GSG1L: variants seen among roughly 807,000 people sequenced by gnomAD.
GSG1L encodes the protein GSG1 like.
GSG1L carries 24 observed loss-of-function variants against 42.1 expected under a neutral mutation model. The observed-to-expected ratio is 0.57, with a 90% CI of 0.41 to 0.80. GSG1L has a LOEUF of 0.80. GSG1L is among the 30% of genes least tolerant of loss of function. GSG1L has a pLI of 0.00. For synonymous variants in GSG1L, 215 were observed against 203.5 expected, an observed-to-expected ratio of 1.06 and a Z score of -0.48; for missense variants, 445 against 472.2, an observed-to-expected ratio of 0.94 and a Z score of 0.53.
At chr16:27,935,870 C>CT (rs751703377) in intron 2 of GSG1L, among the ~76,000 whole-genome samples, 7 of 145,790 alleles carry the variant, frequency 4.8e-5, no homozygotes, top group African/African-American at 7.7e-5. Context: ...TCTAGAATGC[C>CT]TTTTCCTACC....
chr16:27,793,483 G>A (rs2082777728), intron 6 of GSG1L, among the ~76,000 whole-genome samples: 1 of 89,518 alleles, frequency 1.1e-5, no homozygotes. Context: ...AGGTGTTTGG[G>A]TTTTGTTTTG....
chr16:27,998,679 C>T (rs887450400), intron 1 of GSG1L, among the ~76,000 whole-genome samples: 7 of 151,988 alleles, frequency 4.6e-5, no homozygotes, highest in East Asian at 1.9e-4. Context: ...CCCAGCTACC[C>T]GGGAGGCTGA....
At chr16:27,888,457 TTTCTTTCTCTCTCTCTCTCTCTTTCC>T (rs2084064193) in intron 2 of GSG1L, among the ~76,000 whole-genome samples, 1 of 18,904 alleles carries the variant, frequency 5.3e-5, no homozygotes, top group Admixed American at 9.4e-4. Context: ...TCTTTCTTTC[TTTCTTTCTCTCTCTCTCTCTCTTTCC>T]TTTCTTTCTT....
chr16:27,963,109 C>T, intron 2 of GSG1L, 47 bp downstream of exon 2: 3 of 1,539,580 alleles, frequency 1.9e-6, no homozygotes, highest in East Asian at 2.3e-5. Context: ...GGAAAGATGT[C>T]CCCAGAGAGA....
At chr16:27,876,466 A>T (rs2083888150) in intron 3 of GSG1L, among the ~76,000 whole-genome samples, 1 of 152,204 alleles carries the variant, frequency 6.6e-6, no homozygotes, top group Non-Finnish European at 1.5e-5. Context: ...AGCCGATGGA[A>T]AAAGGCAAAC....
intron 1 of GSG1L, among the ~76,000 whole-genome samples, chr16:28,042,761 G>A (rs2086121159): frequency 6.6e-6 from 1 of 152,132 alleles, no homozygotes; most frequent in African/African-American, 2.4e-5. Context: ...GCTTGTTAGA[G>A]GAAACACACA....
intron 2 of GSG1L, among the ~76,000 whole-genome samples, chr16:27,934,110 C>T (rs1400974326): frequency 6.6e-6 from 1 of 152,200 alleles, no homozygotes; most frequent in East Asian, 1.9e-4. Flanking sequence ...GCAGAACAAC[C>T]TTCCCCAGCA....
chr16:28,003,978 C>T (rs2085608117), intron 1 of GSG1L, among the ~76,000 whole-genome samples: 1 of 152,246 alleles, frequency 6.6e-6, no homozygotes, highest in Non-Finnish European at 1.5e-5. Context: ...GTCAGTGTGG[C>T]AGGATGACAC....
At chr16:27,900,827 A>G (rs2084248025) in intron 2 of GSG1L, among the ~76,000 whole-genome samples, 1 of 152,070 alleles carries the variant, frequency 6.6e-6, no homozygotes, top group Non-Finnish European at 1.5e-5. Flanking sequence ...AACATTAAAA[A>G]AAAAAAAACA....
chr16:27,857,897 G>A (rs1482864672), intron 3 of GSG1L, among the ~76,000 whole-genome samples: 1 of 86,238 alleles, frequency 1.2e-5, no homozygotes, highest in African/African-American at 4.2e-5. Context: ...TGCTCTCGGA[G>A]GGCCCTGATC....
At chr16:27,992,215 G>A (rs8047185) in intron 1 of GSG1L, among the ~76,000 whole-genome samples, 100,609 of 152,046 alleles carry the variant, frequency 0.66, 34,548 homozygotes, top group East Asian at 0.85. Context: ...GGATATTTTC[G>A]GTTGGGCCCA....
chr16:27,824,048 C>T (rs952777469), intron 5 of GSG1L: 6 of 653,100 alleles, frequency 9.2e-6, no homozygotes, highest in East Asian at 2.7e-5. Context: ...AGCCATGCTT[C>T]GAAATACCCT....
chr16:28,041,457 G>GA (rs975321171), intron 1 of GSG1L, among the ~76,000 whole-genome samples: 32 of 145,074 alleles, frequency 2.2e-4, no homozygotes, highest in South Asian at 4.4e-4. Flanking sequence ...CTCTCAAAAA[G>GA]AAAAAAAAAA....
Position 27,791,265 on chromosome 16 carries a change from TCACGGCA to T in GSG1L, c.*98_*104del. The T allele has an allele frequency of 1.4e-6, 1 of 692,730 alleles. No individual in the cohort carries two copies. The highest frequency in any genetic ancestry group is 2.2e-6 in the Non-Finnish European group (1 of 456,940). The allele number at this position is 692,730 out of a possible 1,614,324, so 42.9% of individuals were successfully genotyped here. The stretch of plus-strand genomic sequence containing the variant: ...CATCTCCCACGCAGGCTGACTGAGT[TCACGGCA>T]CACAGGCCAGGGTTCTGGGGGCACC... On this transcript the variant is annotated 3_prime_UTR_variant, in exon 7 of 7. Transcript: ENST00000447459.
chr16:27,886,346 A>G (rs2084029173), intron 2 of GSG1L, among the ~76,000 whole-genome samples: 1 of 152,226 alleles, frequency 6.6e-6, no homozygotes, highest in Non-Finnish European at 1.5e-5. Flanking sequence ...AGGCTGAGGC[A>G]GGAGAATCGC....
intron 3 of GSG1L, among the ~76,000 whole-genome samples, chr16:27,853,002 A>G (rs1379250775): frequency 6.6e-6 from 1 of 152,182 alleles, no homozygotes; most frequent in Non-Finnish European, 1.5e-5. Flanking sequence ...ATGGCAAGGG[A>G]CTGGGGGAAA....
chr16:27,847,487 G>A (rs2083456649), intron 3 of GSG1L, among the ~76,000 whole-genome samples: 1 of 152,220 alleles, frequency 6.6e-6, no homozygotes, highest in African/African-American at 2.4e-5. Context: ...GTTGAGTCCA[G>A]GGGGGCTAAG....
intron 5 of GSG1L, among the ~76,000 whole-genome samples, chr16:27,814,208 CT>C (rs2083066518): frequency 6.6e-6 from 1 of 152,120 alleles, no homozygotes; most frequent in South Asian, 2.1e-4. Flanking sequence ...ACCTTCTGGG[CT>C]CAAGCGATCC....
At chr16:28,018,283 T>C (rs1691770554) in intron 1 of GSG1L, among the ~76,000 whole-genome samples, 1 of 152,192 alleles carries the variant, frequency 6.6e-6, no homozygotes, top group Non-Finnish European at 1.5e-5. Flanking sequence ...TGGAAGTAGG[T>C]AGCTAAAGAT....
Sources: gnomAD v4.1 joint callset for allele counts (sites outside exome capture counted in the v4.1 genomes callset) on GRCh38, gnomAD v4.1.1 for gene constraint, MANE v1.5 for transcripts, NCBI Gene and HGNC (gene_info 2026-07-23, HGNC 2026-07-21) for gene names.